Variants in ZNF638 observed in about 807,000 individuals in gnomAD.
ZNF638 encodes the protein CTCL tumor antigen se33-1.
A neutral mutation model predicts 195.6 loss-of-function variants in ZNF638; 46 were observed. The ratio of observed to expected loss-of-function variants is 0.24; its 90% CI spans 0.19 to 0.30. The LOEUF is 0.30. ZNF638 is among the 10% of genes least tolerant of loss of function. The pLI, the probability that ZNF638 is intolerant of heterozygous loss-of-function variation, is 1.00. For synonymous variants in ZNF638, 845 were observed against 772.0 expected, an observed-to-expected ratio of 1.09 and a Z score of -1.57; for missense variants, 2,440 against 2,325.3, an observed-to-expected ratio of 1.05 and a Z score of -1.01.
chr2:71,376,084 C>T (rs1190378428), intron 8 of ZNF638: 2 of 152,146 alleles, frequency 1.3e-5, no homozygotes, highest in Non-Finnish European at 2.9e-5. Flanking sequence ...ATTCTCTTGG[C>T]CAACTTTTTG....
chr2:71,433,506 A>C, intron 27 of ZNF638: 1 of 459,082 alleles, frequency 2.2e-6, no homozygotes, highest in Non-Finnish European at 3.9e-6. Context: ...TCTGCAGATC[A>C]CTAGTCTCAT....
intron 6 of ZNF638, 43 bp downstream of exon 6, chr2:71,365,749 C>G (rs1415552451): frequency 6.7e-7 from 1 of 1,502,968 alleles, no homozygotes; most frequent in Non-Finnish European, 8.9e-7. Context: ...TAAGGTTTCA[C>G]TCTGTCATCC....
intron 5 of ZNF638, 127 bp downstream of exon 5, chr2:71,364,379 A>G (rs2079159999): frequency 1.0e-6 from 1 of 997,234 alleles, no homozygotes; most frequent in South Asian, 1.8e-5. Flanking sequence ...AATCTGACCC[A>G]CATGCCACAG....
intron 21 of ZNF638, among the ~76,000 whole-genome samples, chr2:71,419,965 C>G (rs1258663076): frequency 2.3e-5 from 2 of 86,962 alleles, no homozygotes; most frequent in African/African-American, 4.5e-5. Context: ...AATTCCCACC[C>G]CCCCCCGCCT....
At chr2:71,382,906 C>A (rs953056672) in intron 10 of ZNF638, among the ~76,000 whole-genome samples, 1 of 151,972 alleles carries the variant, frequency 6.6e-6, no homozygotes, top group Non-Finnish European at 1.5e-5. Context: ...ATAATCTGTA[C>A]CAGAAGAGAG....
intron 10 of ZNF638, chr2:71,393,403 G>T (rs1490704445): frequency 1.4e-6 from 1 of 718,638 alleles, no homozygotes; most frequent in Non-Finnish European, 2.6e-6. Flanking sequence ...GGCCCTCTTT[G>T]GATTCCAGTA....
rs1161205909 is a variant in ZNF638, at chr2:71,401,894, AAACTT to A, written c.2698-59_2698-55del. ...ACTAATATAACATGATACACAGTAT[AAACTT>A]AAGTAAATATGAAACAAAGAAATTT... On this transcript the variant is annotated intron_variant, in intron 15 of 27. Coordinates refer to ENST00000264447, the MANE Select transcript of ZNF638 (RefSeq NM_014497.5). 2.1e-6 allele frequency: 3 copies of A among 1,421,894 alleles called. No homozygotes were observed. In the East Asian group the frequency reaches 7.0e-5, roughly 33 times the overall value. The allele number at this position is 1,421,894 out of a possible 1,614,324, so 88.1% of individuals were successfully genotyped here.
intron 1 of ZNF638, among the ~76,000 whole-genome samples, chr2:71,332,443 T>C (rs1440369390): frequency 2.6e-5 from 4 of 152,140 alleles, no homozygotes; most frequent in Admixed American, 6.5e-5. Context: ...AAGGAGGGAA[T>C]GTTAGGATCC....
At chr2:71,332,603 G>A (rs2078592203) in intron 1 of ZNF638, among the ~76,000 whole-genome samples, 3 of 152,188 alleles carry the variant, frequency 2.0e-5, no homozygotes, top group Admixed American at 6.5e-5. Flanking sequence ...AAAACAGAAC[G>A]TTAGTGAATT....
At chr2:71,401,690 A>AT (rs1389612901) in intron 15 of ZNF638, among the ~76,000 whole-genome samples, 1 of 152,048 alleles carries the variant, frequency 6.6e-6, no homozygotes, top group African/African-American at 2.4e-5. Flanking sequence ...AAAAAAAAAA[A>AT]ACAGTGGGTG....
At chr2:71,410,987 C>T (rs1242380765) in intron 20 of ZNF638, among the ~76,000 whole-genome samples, 1 of 94,324 alleles carries the variant, frequency 1.1e-5, no homozygotes, top group African/African-American at 3.5e-5. Context: ...ACCACCTCCC[C>T]CCCCCTTTTT....
chr2:71,424,561 GT>G (rs150899421), intron 22 of ZNF638, 88 bp from the exon 23 acceptor site: 134 of 1,021,302 alleles, frequency 1.3e-4, no homozygotes, highest in Non-Finnish European at 1.6e-4. Context: ...AATGTTTACT[GT>G]TTTTTTTTGT....
At chr2:71,427,570 A>G (rs961346687) in intron 24 of ZNF638, among the ~76,000 whole-genome samples, 156 bp downstream of exon 24, 1 of 152,246 alleles carries the variant, frequency 6.6e-6, no homozygotes, top group African/African-American at 2.4e-5. Flanking sequence ...TTCCAAAGAA[A>G]TGTGTACAAG....
chr2:71,364,399 C>G, intron 5 of ZNF638, 147 bp downstream of exon 5: 1 of 840,180 alleles, frequency 1.2e-6, no homozygotes, highest in East Asian at 2.7e-5. Context: ...GAGTTATTCC[C>G]TCTGGTAACT....
intron 8 of ZNF638, chr2:71,374,211 A>G (rs1165444024): frequency 1.3e-5 from 2 of 152,212 alleles, no homozygotes; most frequent in East Asian, 1.9e-4. Context: ...TTGCAGCATA[A>G]TATAGGATTG....
chr2:71,366,319 C>T (rs954684598), intron 6 of ZNF638, among the ~76,000 whole-genome samples: 2 of 151,492 alleles, frequency 1.3e-5, no homozygotes, highest in African/African-American at 4.8e-5. Flanking sequence ...GAGGTCACAC[C>T]ACTGCACTCC....
intron 11 of ZNF638, 101 bp downstream of exon 11, chr2:71,396,292 G>A: frequency 2.3e-6 from 2 of 878,204 alleles, no homozygotes; most frequent in Non-Finnish European, 3.6e-6. Context: ...GACATAGTCT[G>A]TATTGAATGC....
chr2:71,331,898 A>T, intron 1 of ZNF638, 23 bp downstream of exon 1: 1 of 985,828 alleles, frequency 1.0e-6, no homozygotes, highest in Non-Finnish European at 1.2e-6. Context: ...CCCTGTGGGG[A>T]GTAGGGGGTT....
Position 71,408,254 on chromosome 2 carries a change from T to G in ZNF638, c.3261+7T>G. On this transcript the variant is annotated splice_region_variant and intron_variant, in intron 20 of 27. Coordinates refer to ENST00000264447, the MANE Select transcript of ZNF638 (RefSeq NM_014497.5). ...AAAGATAGACTTACCAGAGGTAAGATTTATCTTTCTTCAGCTTTTGTGATT... is the reference window on the plus strand; with the variant it reads ...AAAGATAGACTTACCAGAGGTAAGAGTTATCTTTCTTCAGCTTTTGTGATT... The G allele has an allele frequency of 6.2e-7, 1 of 1,606,030 alleles. No homozygotes were observed. The highest frequency in any genetic ancestry group is 1.7e-4 in the Middle Eastern group (1 of 6,012).
Sources: gnomAD v4.1 joint callset for allele counts (sites outside exome capture counted in the v4.1 genomes callset) on GRCh38, gnomAD v4.1.1 for gene constraint, MANE v1.5 for transcripts, NCBI Gene and HGNC (gene_info 2026-07-23, HGNC 2026-07-21) for gene names.